The following CD40LG variants were observed in gnomAD, a reference collection of about 807,000 sequenced individuals.
The protein encoded by CD40LG is CD40 ligand.
CD40LG carries 1 observed loss-of-function variant against 17.2 expected under a neutral mutation model. The ratio of observed to expected loss-of-function variants is 0.06; its 90% CI spans 0.02 to 0.28. The LOEUF (loss-of-function observed/expected upper bound fraction) is 0.28. Among genes scored for constraint, CD40LG ranks in the 10% least tolerant of loss-of-function variants. The pLI, the probability that CD40LG is intolerant of heterozygous loss-of-function variation, is 1.00. For synonymous variants in CD40LG, 66 were observed against 74.4 expected (o/e 0.89, Z 0.58); for missense variants, 133 against 193.2 (o/e 0.69, Z 1.85).
chrX:136,657,523 C>T (rs1226106849), intron 4 of CD40LG, among the ~76,000 whole-genome samples: 1 of 111,679 alleles, frequency 9.0e-6, no homozygotes, highest in Non-Finnish European at 1.9e-5. Context: ...GAGTGCTGTA[C>T]AACCGTAAGG....
chrX:136,650,478 G>A, intron 2 of CD40LG, 81 bp downstream of exon 2: 1 of 902,837 alleles, frequency 1.1e-6, no homozygotes, highest in Admixed American at 2.2e-5. Context: ...CAATGCCAAT[G>A]TTTAAAGATT....
At chrX:136,652,313 C>A (rs984266554) in intron 2 of CD40LG, among the ~76,000 whole-genome samples, 7 of 111,514 alleles carry the variant, frequency 6.3e-5, no homozygotes, top group African/African-American at 2.0e-4. Flanking sequence ...CGCTTTCCCC[C>A]AAATTTCTCA....
chrX:136,656,555 C>T, intron 4 of CD40LG, 137 bp downstream of exon 4: 1 of 539,522 alleles, frequency 1.9e-6, no homozygotes, highest in African/African-American at 2.2e-5. Flanking sequence ...CTCCTATTCC[C>T]TTCTTTGTCT....
intron 4 of CD40LG, 100 bp downstream of exon 4, chrX:136,656,518 C>T: frequency 2.8e-6 from 2 of 708,671 alleles, no homozygotes; most frequent in Non-Finnish European, 4.5e-6. Context: ...CCCCTGGGAC[C>T]CAATTTACAA....
intron 3 of CD40LG, 91 bp downstream of exon 3, chrX:136,654,521 T>C (rs2076113655): frequency 2.5e-5 from 17 of 668,775 alleles, no homozygotes; most frequent in Non-Finnish European, 4.1e-5. Flanking sequence ...TGTTGTTGCA[T>C]CAGGGAACTT....
At chrX:136,649,156 A>G (rs891116390) in intron 1 of CD40LG, among the ~76,000 whole-genome samples, 1 of 112,313 alleles carries the variant, frequency 8.9e-6, no homozygotes, top group African/African-American at 3.2e-5. Context: ...TCCACTGAGG[A>G]GTATAATTGG....
intron 4 of CD40LG, among the ~76,000 whole-genome samples, chrX:136,656,837 C>T (rs756136346): frequency 1.9e-4 from 21 of 111,887 alleles, no homozygotes; most frequent in African/African-American, 6.8e-4. Context: ...TTAAGCTCAG[C>T]CTCACTGAGG....
At chrX:136,650,075 T>C (rs2076099610) in intron 1 of CD40LG, among the ~76,000 whole-genome samples, 191 bp from the exon 2 acceptor site, 2 of 112,418 alleles carry the variant, frequency 1.8e-5, no homozygotes, top group Admixed American at 1.9e-4. Flanking sequence ...ACATCTTAAT[T>C]GCTGTCTTTT....
chrX:136,657,269 T>C (rs987577379), intron 4 of CD40LG, among the ~76,000 whole-genome samples: 2 of 111,804 alleles, frequency 1.8e-5, no homozygotes, highest in Non-Finnish European at 3.8e-5. Context: ...GCTTCATCTC[T>C]GAAGTGGCTT....
rs57066772 is a variant in CD40LG, at chrX:136,659,920, A to ACCCCCCCCCCCCCCC, written c.*507_*521dup. On this transcript the variant is annotated 3_prime_UTR_variant, in exon 5 of 5. Transcript: ENST00000370629. ...ACGTCTAACACAGTGGAGAACCGAA[A>ACCCCCCCCCCCCCCC]CCCCCCCCCCCCCCCCGCCACCCTC... 2.1e-4 allele frequency: 4 copies of ACCCCCCCCCCCCCCC among 18,644 alleles called. No individual in the cohort carries two copies. Among genetic ancestry groups the ACCCCCCCCCCCCCCC allele is most frequent in the Non-Finnish European group, 7.0e-4 (4 of 5,739 alleles). The allele number at this position is 18,644 out of a possible 1,213,427, so 1.5% of individuals were successfully genotyped here. A position where few individuals can be genotyped will look rare whatever the true frequency, so the allele number is the denominator to read the frequency against.
At position 136,650,335 on chromosome X, in the gene CD40LG, G is replaced by C; in HGVS notation, c.226G>C (p.Glu76Gln). 9.2e-6 allele frequency: 11 copies of C among 1,198,067 alleles called. No individual in the cohort carries two copies. The highest frequency in any genetic ancestry group is 1.2e-5 in the Non-Finnish European group (11 of 883,253). ...MKTIQRCNTG[E>Q]RSLSLLNCEE... Reference sequence around the variant, plus strand: ...AACGATACAGAGATGCAACACAGGAGAAAGATCCTTATCCTTACTGAACTG... The same window carrying C: ...AACGATACAGAGATGCAACACAGGACAAAGATCCTTATCCTTACTGAACTG... The change falls in exon 2 of 5, where the codon GAA (glutamate) becomes CAA (glutamine). Residue 76 changes from glutamate (E) to glutamine (Q), a missense_variant. Glu to Gln is a conservative substitution (Grantham distance 29, BLOSUM62 2). Coordinates refer to ENST00000370629, the MANE Select transcript of CD40LG (RefSeq NM_000074.3).
chrX:136,654,765 CAGTGGCAT>C (rs2076114232), intron 3 of CD40LG, among the ~76,000 whole-genome samples: 1 of 112,073 alleles, frequency 8.9e-6, no homozygotes, highest in African/African-American at 3.2e-5. Context: ...CATTTGGTAA[CAGTGGCAT>C]TCATCACTCA....
In CD40LG at chrX:136,650,301, A is replaced by G. The variant is rs2076100412; in HGVS notation, c.192A>G (p.Val64=). ...AAAGGAATCTTCATGAAGATTTTGTATTCATGAAAACGATACAGAGATGCA... is the reference window on the plus strand; with the variant it reads ...AAAGGAATCTTCATGAAGATTTTGTGTTCATGAAAACGATACAGAGATGCA... ...EDERNLHEDF[V]FMKTIQRCNT... Residue 64 remains valine (V), a synonymous_variant, in exon 2 of 5, where the codon GTA becomes GTG. Coordinates refer to ENST00000370629, the MANE Select transcript of CD40LG (RefSeq NM_000074.3). 1 of 1,176,211 alleles carries G rather than the reference A, an allele frequency of 8.5e-7. No homozygotes were observed. Among genetic ancestry groups the G allele is most frequent in the African/African-American group, 1.8e-5 (1 of 56,502 alleles).
intron 3 of CD40LG, 88 bp downstream of exon 3, chrX:136,654,518 G>C: frequency 1.5e-6 from 1 of 681,857 alleles, no homozygotes; most frequent in Non-Finnish European, 2.4e-6. Context: ...CAGTGTTGTT[G>C]CATCAGGGAA....
intron 3 of CD40LG, among the ~76,000 whole-genome samples, 167 bp downstream of exon 3, chrX:136,654,597 G>A (rs1488073238): frequency 1.8e-5 from 2 of 111,460 alleles, no homozygotes; most frequent in African/African-American, 6.5e-5. Context: ...CCTGTGATTT[G>A]GAAAGACTTT....
intron 1 of CD40LG, among the ~76,000 whole-genome samples, chrX:136,648,868 G>C (rs2076096625): frequency 1.8e-5 from 2 of 112,159 alleles, no homozygotes; most frequent in Non-Finnish European, 3.8e-5. Flanking sequence ...GGCAAGAAGA[G>C]CGTCAATTTG....
rs2076128712 is a variant in CD40LG at position 136,659,531 on chromosome X, T to C, written c.*116T>C. 1 of 768,338 alleles carries C rather than the reference T, an allele frequency of 1.3e-6. No individual in the cohort carries two copies. The highest frequency in any genetic ancestry group is 1.9e-6 in the Non-Finnish European group (1 of 522,661). The allele number at this position is 768,338 out of a possible 1,213,427, so 63.3% of individuals were successfully genotyped here. ...ATTTATAACCCTAGGATCCTCCTTA[T>C]GGAGAACTATTTATTATACACTCCA... is the stretch of plus-strand genomic sequence containing the variant. On this transcript the variant is annotated 3_prime_UTR_variant, in exon 5 of 5. Transcript: ENST00000370629.
rs2076130770 is a variant in CD40LG at position 136,659,961 on chromosome X, TTC to T, written c.*550_*551del. ...CGCCACCCTCTCGGACAGTTATTCA[TTC>T]TCTTTCAATCTCTCTCTCTCCATCT... On this transcript the variant is annotated 3_prime_UTR_variant, in exon 5 of 5. Coordinates refer to ENST00000370629, the MANE Select transcript of CD40LG (RefSeq NM_000074.3). 1 of 77,461 alleles carries T rather than the reference TTC, an allele frequency of 1.3e-5. No homozygotes were observed. Among genetic ancestry groups the T allele is most frequent in the Non-Finnish European group, 2.4e-5 (1 of 42,336 alleles). 6.4% of individuals were successfully genotyped at this position (77,461 alleles called of 1,213,427 possible).
At chrX:136,658,480 T>C (rs753659180) in intron 4 of CD40LG, among the ~76,000 whole-genome samples, 1 of 111,906 alleles carries the variant, frequency 8.9e-6, no homozygotes, top group African/African-American at 3.2e-5. Flanking sequence ...ATTTTAGTCC[T>C]TGCTGGGGGA....
Sources: allele counts gnomAD v4.1 joint callset (sites outside exome capture counted in the v4.1 genomes callset), GRCh38; gene constraint gnomAD v4.1.1; transcripts MANE v1.5; gene names NCBI Gene and HGNC (gene_info 2026-07-23, HGNC 2026-07-21).